RNF111: variants seen among roughly 807,000 people sequenced by gnomAD.
The protein encoded by RNF111 is E3 ubiquitin-protein ligase Arkadia.
A neutral mutation model predicts 95.1 loss-of-function variants in RNF111; 17 were observed. The ratio of observed to expected loss-of-function variants is 0.18; its 90% confidence interval spans 0.12 to 0.27. The LOEUF is 0.27. Ranked by LOEUF, RNF111 falls within the 10% of genes least tolerant of loss-of-function variation. RNF111 has a pLI of 1.00. For missense variants in RNF111, 1,189 were observed against 1,210.4 expected (o/e 0.98, Z 0.26); for synonymous variants, 440 against 414.8 (o/e 1.06, Z -0.74).
intron 1 of RNF111, among the ~76,000 whole-genome samples, chr15:59,009,604 A>T (rs2039697728): frequency 1.3e-5 from 2 of 151,920 alleles, no homozygotes. Context: ...CCAAAATTAG[A>T]ACTTGGAGCA....
At chr15:59,079,268 C>G (rs1192954523) in intron 7 of RNF111, among the ~76,000 whole-genome samples, 3 of 152,092 alleles carry the variant, frequency 2.0e-5, no homozygotes, top group Non-Finnish European at 4.4e-5. Flanking sequence ...AGAAAAAATG[C>G]TGTGAATTTG....
intron 7 of RNF111, among the ~76,000 whole-genome samples, chr15:59,080,604 G>A (rs2078712653): frequency 3.3e-5 from 5 of 152,118 alleles, no homozygotes; most frequent in Admixed American, 3.3e-4. Context: ...AGTGAGTGCA[G>A]GAGTGAGCAT....
chr15:59,029,884 A>G (rs1340824828), intron 1 of RNF111, among the ~76,000 whole-genome samples: 3 of 152,216 alleles, frequency 2.0e-5, no homozygotes, highest in African/African-American at 4.8e-5. Flanking sequence ...CTTAATAAAA[A>G]CTTGTTAAAA....
intron 7 of RNF111, among the ~76,000 whole-genome samples, chr15:59,079,706 A>T (rs2078680251): frequency 1.3e-5 from 2 of 152,070 alleles, no homozygotes; most frequent in Admixed American, 6.6e-5. Flanking sequence ...AAGAGTAAGG[A>T]AGATGTGTAT....
chr15:59,058,509 C>T lies in RNF111; in HGVS notation c.1325C>T (p.Ala442Val). 6.2e-7 allele frequency: 1 copy of T among 1,614,054 alleles called. No individual in the cohort carries two copies. Among genetic ancestry groups the T allele is most frequent in the African/African-American group, 1.3e-5 (1 of 75,046 alleles). Residue 442 changes from alanine to valine, a missense_variant, in exon 5 of 14, where the codon GCT (alanine) becomes GTT (valine). By Grantham distance (64) the Ala-to-Val change is moderately conservative (BLOSUM62 0). Transcript: ENST00000348370. The part of the protein sequence containing the change: ...SQPSTVSETS[A>V]TLTSNSTTGT... The stretch of plus-strand genomic sequence containing the variant: ...CCTTCCACAGTGTCAGAGACTTCAG[C>T]TACTCTTACAAGCAATAGTACCACT...
intron 6 of RNF111, among the ~76,000 whole-genome samples, chr15:59,072,077 T>C (rs2042952368): frequency 6.6e-6 from 1 of 152,226 alleles, no homozygotes; most frequent in South Asian, 2.1e-4. Flanking sequence ...AATACTTTAT[T>C]GCTAATACAT....
intron 1 of RNF111, among the ~76,000 whole-genome samples, chr15:59,028,390 TC>T (rs1282254982): frequency 6.6e-6 from 1 of 152,152 alleles, no homozygotes; most frequent in African/African-American, 2.4e-5. Flanking sequence ...GTTTTTTTTT[TC>T]ATATACCTAC....
chr15:59,031,711 G>A lies in RNF111; in HGVS notation c.880+9G>A, dbSNP rs1196549046. 2 of 1,608,446 alleles carry A rather than the reference G, an allele frequency of 1.2e-6. No individual in the cohort carries two copies. Among genetic ancestry groups the A allele is most frequent in the Non-Finnish European group, 1.7e-6 (2 of 1,177,352 alleles). On this transcript the variant is annotated intron_variant, in intron 2 of 13. Transcript: ENST00000348370. ...TCCAGCTGTTCCCTCAGGTAAAAAT[G>A]TTTAAGCTGAGTAAAACATGGAACC... is the stretch of plus-strand genomic sequence containing the variant.
At chr15:58,997,167 A>G (rs1460306539) in intron 1 of RNF111, among the ~76,000 whole-genome samples, 1 of 152,194 alleles carries the variant, frequency 6.6e-6, no homozygotes, top group Non-Finnish European at 1.5e-5. Context: ...GAAAAAAAAC[A>G]AGGCTCCTTG....
chr15:59,003,262 A>T (rs1458452724), intron 1 of RNF111, among the ~76,000 whole-genome samples: 9 of 150,362 alleles, frequency 6.0e-5, no homozygotes, highest in African/African-American at 1.7e-4. Context: ...ACAGGCATGT[A>T]CCACCACACC....
intron 1 of RNF111, among the ~76,000 whole-genome samples, chr15:58,997,061 A>T (rs114795940): frequency 0.023 from 3,464 of 152,080 alleles, 51 homozygotes; most frequent in African/African-American, 0.038. Flanking sequence ...CTTAGTTTTC[A>T]TGTCAGTTTA....
intron 8 of RNF111, among the ~76,000 whole-genome samples, chr15:59,082,398 T>C (rs2078771431): frequency 6.6e-6 from 1 of 152,218 alleles, no homozygotes; most frequent in African/African-American, 2.4e-5. Flanking sequence ...ATATCAAAGA[T>C]TTGAATGTTA....
intron 5 of RNF111, 61 bp from the exon 6 acceptor site, chr15:59,066,703 A>AT (rs2042672372): frequency 6.7e-6 from 9 of 1,342,446 alleles, no homozygotes; most frequent in Non-Finnish European, 8.4e-6. Flanking sequence ...CCCCATACCT[A>AT]TTTTTTTACA....
At chr15:58,991,197 G>A (rs569242397) in intron 1 of RNF111, among the ~76,000 whole-genome samples, 1 of 152,146 alleles carries the variant, frequency 6.6e-6, no homozygotes, top group South Asian at 2.1e-4. Context: ...CTGCTCAAGA[G>A]GGTAAGGCAG....
At position 59,031,491 on chromosome 15, in the gene RNF111, G is replaced by A. The variant is rs1228767221; in HGVS notation, c.669G>A (p.Gln223=). The change falls in exon 2 of 14, where the codon CAG becomes CAA. Residue 223 remains glutamine, a synonymous_variant. Transcript: ENST00000348370. The part of the protein sequence containing the change: ...RKRFVKNNSS[Q]RTQKQKERIL... Reference sequence around the variant, plus strand: ...GATTTGTAAAAAATAATTCCTCACAGAGGACACAGAAACAAAAAGAGAGGA... The same window carrying A: ...GATTTGTAAAAAATAATTCCTCACAAAGGACACAGAAACAAAAAGAGAGGA... 2 of 1,614,048 alleles carry A rather than the reference G, an allele frequency of 1.2e-6. No homozygotes were observed. Among genetic ancestry groups the A allele is most frequent in the African/African-American group, 2.7e-5 (2 of 74,934 alleles).
At position 59,030,996 on chromosome 15, in the gene RNF111, T is replaced by C; in HGVS notation, c.174T>C (p.Ser58=). Residue 58 remains serine, a synonymous_variant, in exon 2 of 14, where the codon AGT becomes AGC. Coordinates refer to ENST00000348370, the MANE Select transcript of RNF111 (RefSeq NM_017610.8). The part of the protein sequence containing the change: ...SFPAGVEMIN[S]KVGNEFSHLC... ...CTGCAGGAGTTGAGATGATTAATAG[T>C]AAAGTGGGGAATGAATTCTCTCACC... is the stretch of plus-strand genomic sequence containing the variant. 6.2e-7 allele frequency: 1 copy of C among 1,614,148 alleles called. No individual in the cohort carries two copies. Among genetic ancestry groups the C allele is most frequent in the Non-Finnish European group, 8.5e-7 (1 of 1,180,022 alleles).
intron 1 of RNF111, among the ~76,000 whole-genome samples, chr15:59,022,825 C>T (rs1353838444): frequency 1.3e-5 from 2 of 152,196 alleles, no homozygotes; most frequent in Non-Finnish European, 2.9e-5. Flanking sequence ...TGCTCTCTAC[C>T]TAGAGGGTGT....
rs60350601 is a variant in RNF111, at chr15:58,996,649, C to CTTT, written c.-20+8608_-20+8610dup. On this transcript the variant is annotated intron_variant, in intron 1 of 13. Transcript: ENST00000348370. ...GTGATTGAAAACTCATCAGTACTTT[C>CTTT]TTTTTTTTTTTTTTTTTTTTTTTTT... Among the ~76,000 whole-genome samples, 175 of 100,746 alleles carry CTTT rather than the reference C, an allele frequency of 1.7e-3. 12 individuals are homozygous for CTTT. Among genetic ancestry groups the CTTT allele is most frequent in the African/African-American group, 6.4e-3 (165 of 25,622 alleles). The allele number at this position is 100,746 out of a possible 152,430, so 66.1% of individuals were successfully genotyped here.
At chr15:59,024,493 G>A (rs1429971009) in intron 1 of RNF111, among the ~76,000 whole-genome samples, 1 of 152,094 alleles carries the variant, frequency 6.6e-6, no homozygotes, top group Non-Finnish European at 1.5e-5. Context: ...CAGAATATGA[G>A]TTTGAGTGAT....
Sources: gnomAD v4.1 joint callset for allele counts (sites outside exome capture counted in the v4.1 genomes callset) on GRCh38, gnomAD v4.1.1 for gene constraint, MANE v1.5 for transcripts, NCBI Gene and HGNC (gene_info 2026-07-23, HGNC 2026-07-21) for gene names.